The following ACTB variants were observed in gnomAD, a reference collection of about 807,000 sequenced individuals.
The protein encoded by ACTB is actin beta.
ACTB carries 2 observed loss-of-function variants against 30.5 expected under a neutral mutation model. That is an observed-to-expected ratio of 0.07 (90% CI 0.03 to 0.21). The LOEUF is 0.21. Among genes scored for constraint, ACTB ranks in the 10% least tolerant of loss-of-function variants. ACTB has a pLI of 1.00. For missense variants in ACTB, 56 were observed against 530.0 expected (o/e 0.11, Z 8.78); for synonymous variants, 335 against 217.6 (o/e 1.54, Z -4.75).
chr7:5,529,671 A>G lies in ACTB; in HGVS notation c.-6-8T>C, dbSNP rs1228416624. On this transcript the variant is annotated splice_polypyrimidine_tract_variant and splice_region_variant and intron_variant, in intron 1 of 5. Transcript: ENST00000646664. Reference sequence around the variant, plus strand: ...ATCATCATCCATGGTGAGCTGCGAGAATAGCCGGGCGCGCTGTGAGCCGAG... The same window carrying G: ...ATCATCATCCATGGTGAGCTGCGAGGATAGCCGGGCGCGCTGTGAGCCGAG... The G allele has an allele frequency of 1.2e-6, 2 of 1,610,894 alleles. No individual in the cohort carries two copies. The highest frequency in any genetic ancestry group is 3.3e-5 in the Admixed American group (2 of 60,002).
At chr7:5,528,774 G>T in intron 3 of ACTB, 55 bp from the exon 4 acceptor site, 2 of 1,586,602 alleles carry the variant, frequency 1.3e-6, no homozygotes, top group African/African-American at 1.3e-5. Flanking sequence ...GGACAGCCAG[G>T]CCAGACGGGG....
At position 5,528,266 on chromosome 7, in the gene ACTB, A is replaced by G. The variant is rs1415558298; in HGVS notation, c.802+15T>C. The G allele has an allele frequency of 6.2e-7, 1 of 1,613,208 alleles. No individual in the cohort carries two copies. On this transcript the variant is annotated intron_variant, in intron 4 of 5. Coordinates refer to ENST00000646664, the MANE Select transcript of ACTB (RefSeq NM_001101.5). ...CCCTCATGTCAGGCAGAGCCGGGAG[A>G]CAGTCTCCACTCACCCAGGAAGGAA... is the stretch of plus-strand genomic sequence containing the variant.
chr7:5,528,214 C>G (rs1424568531), intron 4 of ACTB, 29 bp from the exon 5 acceptor site: 1 of 1,613,890 alleles, frequency 6.2e-7, no homozygotes, highest in Non-Finnish European at 8.5e-7. Context: ...CAGGACTTAG[C>G]TTCCACAGCA....
chr7:5,530,269 G>A (rs903984025), intron 1 of ACTB, among the ~76,000 whole-genome samples: 1 of 151,976 alleles, frequency 6.6e-6, no homozygotes, highest in Admixed American at 6.6e-5. Flanking sequence ...CAAAGACCCC[G>A]CCGGTTGCCC....
rs1470835211 is a variant in ACTB at position 5,529,415 on chromosome 7, A to G, written c.124-15T>C. On this transcript the variant is annotated splice_polypyrimidine_tract_variant and intron_variant, in intron 2 of 5. Transcript: ENST00000646664. Reference sequence around the variant, plus strand: ...ACCATCACGCCCTGGGAAGGAAAGGACAAGAAGCCCTGAGCACGGGCGCAG... The same window carrying G: ...ACCATCACGCCCTGGGAAGGAAAGGGCAAGAAGCCCTGAGCACGGGCGCAG... The G allele has an allele frequency of 1.2e-6, 2 of 1,613,726 alleles. No homozygotes were observed. Among genetic ancestry groups the G allele is most frequent in the East Asian group, 2.2e-5 (1 of 44,884 alleles).
Position 5,527,290 on chromosome 7 carries a change from C to T in ACTB, c.*458G>A, listed in dbSNP as rs1410626253. 1.2e-5 allele frequency: 3 copies of T among 246,424 alleles called. No individual in the cohort carries two copies. The highest frequency in any genetic ancestry group is 2.4e-5 in the Non-Finnish European group (3 of 124,268). The allele number at this position is 246,424 out of a possible 1,614,324, so 15.3% of individuals were successfully genotyped here. On this transcript the variant is annotated 3_prime_UTR_variant, in exon 6 of 6. Transcript: ENST00000646664. The stretch of plus-strand genomic sequence containing the variant: ...GACAAAAAAGGGGGAAGGGGGGGCA[C>T]GAAGGCTCATCATTCAAAATAAAAC...
rs1469799895 is a variant in ACTB, at chr7:5,527,270, A to G, written c.*478T>C. ...TCATACATCTCAAGTTGGGGGACAA[A>G]AAAGGGGGAAGGGGGGGCACGAAGG... On this transcript the variant is annotated 3_prime_UTR_variant, in exon 6 of 6. Coordinates refer to ENST00000646664, the MANE Select transcript of ACTB (RefSeq NM_001101.5). 2 of 242,768 alleles carry G rather than the reference A, an allele frequency of 8.2e-6. No individual in the cohort carries two copies. Among genetic ancestry groups the G allele is most frequent in the South Asian group, 4.3e-5 (1 of 23,296 alleles). The allele number at this position is 242,768 out of a possible 1,614,324, so 15.0% of individuals were successfully genotyped here.
chr7:5,527,579 T>A lies in ACTB; in HGVS notation c.*169A>T. 9.1e-7 allele frequency: 1 copy of A among 1,100,788 alleles called. No homozygotes were observed. The highest frequency in any genetic ancestry group is 1.3e-6 in the Non-Finnish European group (1 of 766,974). The allele number at this position is 1,100,788 out of a possible 1,614,324, so 68.2% of individuals were successfully genotyped here. On this transcript the variant is annotated 3_prime_UTR_variant, in exon 6 of 6. Transcript: ENST00000646664. Reference sequence around the variant, plus strand: ...TTGGGGGATGCTCGCTCCAACCGACTGCTGTCACCTTCACCGTTCCAGTTT... The same window carrying A: ...TTGGGGGATGCTCGCTCCAACCGACAGCTGTCACCTTCACCGTTCCAGTTT...
chr7:5,529,484 C>T (rs778235610), intron 2 of ACTB, 51 bp downstream of exon 2: 1 of 1,612,624 alleles, frequency 6.2e-7, no homozygotes, highest in Non-Finnish European at 8.5e-7. Flanking sequence ...GAGAAAGCGC[C>T]CTTGCCTCCC....
In ACTB at chr7:5,529,836, C is replaced by A. The variant is rs1391395457; in HGVS notation, c.-6-173G>T. On this transcript the variant is annotated intron_variant, in intron 1 of 5. Transcript: ENST00000646664. Reference sequence around the variant, plus strand: ...AAGGCAAACACTGGTCGGAGGCGTCCCCGCGGCGCGCGGCAGGAAGCCAGG... The same window carrying A: ...AAGGCAAACACTGGTCGGAGGCGTCACCGCGGCGCGCGGCAGGAAGCCAGG... 3 of 1,113,148 alleles carry A rather than the reference C, an allele frequency of 2.7e-6. No individual in the cohort carries two copies. In the African/African-American group the frequency reaches 4.7e-5, roughly 17 times the overall value. 69.0% of individuals were successfully genotyped at this position (1,113,148 alleles called of 1,614,324 possible).
chr7:5,529,916 G>A (rs930159630), intron 1 of ACTB: 4 of 443,202 alleles, frequency 9.0e-6, no homozygotes, highest in Admixed American at 9.3e-5. Context: ...TTCAAACAGC[G>A]CCGGGTCGGC....
At chr7:5,529,053 G>C (rs766794678) in intron 3 of ACTB, 108 bp downstream of exon 3, 9 of 1,612,956 alleles carry the variant, frequency 5.6e-6, no homozygotes, top group Non-Finnish European at 6.8e-6. Context: ...GGTCAGAGAA[G>C]AGAGTCCTAC....
rs1281392831 is a variant in ACTB, at chr7:5,527,337, G to A, written c.*411C>T. ...AAACAAAATAAAAAAGTATTAAGGC[G>A]AAGATTAAAAAAATTTTGCATTACA... On this transcript the variant is annotated 3_prime_UTR_variant, in exon 6 of 6. Transcript: ENST00000646664. 6.0e-5 allele frequency: 16 copies of A among 265,010 alleles called. No individual in the cohort carries two copies. Among genetic ancestry groups the A allele is most frequent in the South Asian group, 1.1e-4 (3 of 27,310 alleles). 16.4% of individuals were successfully genotyped at this position (265,010 alleles called of 1,614,324 possible). A position where few individuals can be genotyped will look rare whatever the true frequency, so the allele number is the denominator to read the frequency against.
rs577490709 is a variant in ACTB, at chr7:5,527,632, A to T, written c.*116T>A. 8.5e-6 allele frequency: 13 copies of T among 1,529,872 alleles called. No individual in the cohort carries two copies. The highest frequency in any genetic ancestry group is 1.2e-5 in the Non-Finnish European group (13 of 1,124,656). The allele number at this position is 1,529,872 out of a possible 1,614,324, so 94.8% of individuals were successfully genotyped here. A position where few individuals can be genotyped will look rare whatever the true frequency, so the allele number is the denominator to read the frequency against. On this transcript the variant is annotated 3_prime_UTR_variant, in exon 6 of 6. Coordinates refer to ENST00000646664, the MANE Select transcript of ACTB (RefSeq NM_001101.5). ...AAATCCTGAGTCAAGCCAAAAAAAA[A>T]AAAAAAACCAAAACAAAACAAAAAA...
At chr7:5,529,948 A>C in intron 1 of ACTB, 1 of 278,962 alleles carries the variant, frequency 3.6e-6, no homozygotes. Flanking sequence ...CAGCGGCCAC[A>C]CCCTCGGGCG....
At chr7:5,530,141 G>A (rs999364733) in intron 1 of ACTB, among the ~76,000 whole-genome samples, 3 of 151,952 alleles carry the variant, frequency 2.0e-5, no homozygotes, top group Non-Finnish European at 4.4e-5. Flanking sequence ...CAGCGCGCAC[G>A]CAGTTAGCGC....
rs539831938 is a variant in ACTB, at chr7:5,528,063, T to C, written c.925A>G (p.Ile309Val). ...LSGGTTMYPG[I>V]ADRMQKEITA... ...ATCTCCTTCTGCATCCTGTCGGCAA[T>C]GCCAGGGTACATGGTGGTGCCGCCA... The change falls in exon 5 of 6, where the codon ATT (isoleucine) becomes GTT (valine). Residue 309 changes from isoleucine to valine, a missense_variant. Physicochemically the swap from Ile to Val is conservative, Grantham distance 29 (BLOSUM62 3). Transcript: ENST00000646664. 1.2e-6 allele frequency: 2 copies of C among 1,614,246 alleles called. No individual in the cohort carries two copies. Among genetic ancestry groups the C allele is most frequent in the Admixed American group, 1.7e-5 (1 of 60,022 alleles).
rs544447349 is a variant in ACTB, at chr7:5,527,645, A to C, written c.*103T>G. ...AGCCAAAAAAAAAAAAAAAACCAAA[A>C]CAAAACAAAAAAAACAAATAAAGCC... On this transcript the variant is annotated 3_prime_UTR_variant, in exon 6 of 6. Coordinates refer to ENST00000646664, the MANE Select transcript of ACTB (RefSeq NM_001101.5). 1,294 of 1,565,270 alleles carry C rather than the reference A, an allele frequency of 8.3e-4. 1 individual carries two copies. Among genetic ancestry groups the C allele is most frequent in the Middle Eastern group, 3.8e-3 (16 of 4,254 alleles).
intron 2 of ACTB, 47 bp from the exon 3 acceptor site, chr7:5,529,447 C>A (rs1342618973): frequency 1.2e-6 from 2 of 1,613,404 alleles, no homozygotes; most frequent in Non-Finnish European, 1.7e-6. Context: ...GCAGCCCCCA[C>A]CCCGGAAACC....
Sources: gnomAD v4.1 joint callset for allele counts (sites outside exome capture counted in the v4.1 genomes callset) on GRCh38, gnomAD v4.1.1 for gene constraint, MANE v1.5 for transcripts, NCBI Gene and HGNC (gene_info 2026-07-23, HGNC 2026-07-21) for gene names.